CRB1: variants seen among roughly 807,000 people sequenced by gnomAD.
The protein encoded by CRB1 is crumbs cell polarity complex component 1.
CRB1 carries 83 observed loss-of-function variants against 120.0 expected under a neutral mutation model. That is an observed-to-expected ratio of 0.69 (90% CI 0.58 to 0.83). The LOEUF (loss-of-function observed/expected upper bound fraction) is 0.83. Ranked by LOEUF, CRB1 falls within the 40% of genes least tolerant of loss-of-function variation. CRB1 has a pLI of 0.00. For missense variants in CRB1, 1,699 were observed against 1,687.6 expected, an observed-to-expected ratio of 1.01 and a Z score of -0.12; for synonymous variants, 625 against 612.5, an observed-to-expected ratio of 1.02 and a Z score of -0.30.
chr1:197,376,636 T>C (rs1405182337), intron 5 of CRB1, among the ~76,000 whole-genome samples: 4 of 152,182 alleles, frequency 2.6e-5, no homozygotes. Flanking sequence ...ACCTCTACCA[T>C]TTCTACTCTA....
the CRB1 span, among the ~76,000 whole-genome samples, chr1:197,203,236 A>G: frequency 3.3e-5 from 5 of 152,230 alleles, no homozygotes; most frequent in Non-Finnish European, 7.3e-5. Context: ...AAATTTTTAA[A>G]TGGAGCAAAT....
chr1:197,225,566 A>G, the CRB1 span, among the ~76,000 whole-genome samples: 3 of 152,348 alleles, frequency 2.0e-5, no homozygotes, highest in East Asian at 5.8e-4. Context: ...ATGGGCAATG[A>G]AATGTTAAGT....
chr1:197,403,571 G>C (rs767930119), intron 5 of CRB1, among the ~76,000 whole-genome samples: 9 of 152,070 alleles, frequency 5.9e-5, no homozygotes, highest in Non-Finnish European at 1.3e-4. Flanking sequence ...AAGTGAAGAA[G>C]TGGTAGATAT....
At chr1:197,348,544 T>G (rs565310368) in intron 4 of CRB1, among the ~76,000 whole-genome samples, 1 of 152,308 alleles carries the variant, frequency 6.6e-6, no homozygotes, top group Non-Finnish European at 1.5e-5. Flanking sequence ...TGGTGTGATC[T>G]CCGCTCACTA....
intron 4 of CRB1, among the ~76,000 whole-genome samples, chr1:197,354,326 C>T (rs1482407966): frequency 6.6e-6 from 1 of 152,200 alleles, no homozygotes; most frequent in East Asian, 1.9e-4. Flanking sequence ...CTTACACAGA[C>T]AGCCATGTAT....
chr1:197,327,352 T>C (rs895791069), intron 1 of CRB1, among the ~76,000 whole-genome samples: 1 of 152,200 alleles, frequency 6.6e-6, no homozygotes, highest in Non-Finnish European at 1.5e-5. Context: ...AATAGAACTA[T>C]CAAGGACAAA....
chr1:197,330,295 C>T lies in CRB1; in HGVS notation c.652+1292C>T, dbSNP rs148334487. On this transcript the variant is annotated intron_variant, in intron 2 of 11. Coordinates refer to ENST00000367400, the MANE Select transcript of CRB1 (RefSeq NM_201253.3). ...AACTCTTGTGTGTACTACTACACAA[C>T]CTCCCAGACGTTCTACTTATAGCTT... Among the ~76,000 whole-genome samples the T allele has an allele frequency of 1.3e-3, 196 of 152,262 alleles. 2 individuals carry two copies. The highest frequency in any genetic ancestry group is 0.012 in the East Asian group (61 of 5,180).
the CRB1 span, among the ~76,000 whole-genome samples, chr1:197,238,478 A>T: frequency 1.3e-5 from 2 of 152,036 alleles, no homozygotes; most frequent in Non-Finnish European, 2.9e-5. Context: ...TGAAAGTACG[A>T]TCTTTTTTTC....
At chr1:197,317,127 G>A (rs1657900323) in intron 1 of CRB1, among the ~76,000 whole-genome samples, 2 of 152,062 alleles carry the variant, frequency 1.3e-5, no homozygotes, top group African/African-American at 4.8e-5. Context: ...TATCAAAATA[G>A]CAATGACAGG....
chr1:197,388,862 CAAAT>C (rs1484378016), intron 5 of CRB1, among the ~76,000 whole-genome samples: 1 of 152,018 alleles, frequency 6.6e-6, no homozygotes, highest in Non-Finnish European at 1.5e-5. Flanking sequence ...GCAGCAACAA[CAAAT>C]AAAAACCTGA....
intron 5 of CRB1, 122 bp from the exon 6 acceptor site, chr1:197,420,878 C>T (rs1664267441): frequency 1.4e-6 from 1 of 738,430 alleles, no homozygotes. Context: ...ACATTTTACT[C>T]CATTACAGTC....
chr1:197,396,944 A>C (rs1662803335), intron 5 of CRB1, among the ~76,000 whole-genome samples: 1 of 152,148 alleles, frequency 6.6e-6, no homozygotes, highest in Non-Finnish European at 1.5e-5. Flanking sequence ...AATCTGATAA[A>C]TTGCACTTCA....
chr1:197,246,471 A>G, the CRB1 span, among the ~76,000 whole-genome samples: 2 of 151,982 alleles, frequency 1.3e-5, no homozygotes, highest in Non-Finnish European at 2.9e-5. Flanking sequence ...GCTTACCACC[A>G]TGTCATTTCT....
intron 1 of CRB1, among the ~76,000 whole-genome samples, chr1:197,297,465 G>T (rs1656598624): frequency 6.6e-6 from 1 of 152,082 alleles, no homozygotes; most frequent in South Asian, 2.1e-4. Context: ...CAACTTTCTA[G>T]CTGAGGTATG....
At chr1:197,396,470 G>C (rs1026619540) in intron 5 of CRB1, among the ~76,000 whole-genome samples, 4 of 151,918 alleles carry the variant, frequency 2.6e-5, no homozygotes, top group Non-Finnish European at 5.9e-5. Flanking sequence ...AAATTGATAG[G>C]CTGATTCTAA....
At chr1:197,367,798 C>T (rs1571408807) in intron 5 of CRB1, among the ~76,000 whole-genome samples, 3 of 152,164 alleles carry the variant, frequency 2.0e-5, no homozygotes, top group Admixed American at 2.0e-4. Context: ...TATTCTACTT[C>T]ACCCATCTGC....
the CRB1 span, among the ~76,000 whole-genome samples, chr1:197,252,538 TTATATATATATATATATATATATATATA>T: frequency 9.0e-4 from 25 of 27,820 alleles, 2 homozygotes; most frequent in South Asian, 0.034. Context: ...CCAATAGATT[TTATATATATATATATATATATATATATA>T]TATATATATA....
intron 5 of CRB1, among the ~76,000 whole-genome samples, chr1:197,392,992 A>G (rs1430024465): frequency 6.6e-6 from 1 of 152,102 alleles, no homozygotes; most frequent in Non-Finnish European, 1.5e-5. Context: ...CCAGGGGAAT[A>G]TATGTTGTAT....
intron 5 of CRB1, among the ~76,000 whole-genome samples, chr1:197,361,575 G>A (rs190137984): frequency 3.3e-5 from 5 of 151,798 alleles, no homozygotes; most frequent in South Asian, 2.1e-4. Context: ...TGTAGTGATC[G>A]GATCTTCTAT....
Sources: gnomAD v4.1 joint callset for allele counts (sites outside exome capture counted in the v4.1 genomes callset) on GRCh38, gnomAD v4.1.1 for gene constraint, MANE v1.5 for transcripts, NCBI Gene and HGNC (gene_info 2026-07-23, HGNC 2026-07-21) for gene names.